Variants in CENPT observed in about 807,000 individuals in gnomAD.
CENPT encodes centromere protein T.
A neutral mutation model predicts 59.7 loss-of-function variants in CENPT; 42 were observed. That is an observed-to-expected ratio of 0.70 (90% CI 0.55 to 0.91). CENPT has a LOEUF of 0.91. Ranked by LOEUF, CENPT falls within the 40% of genes least tolerant of loss-of-function variation. The pLI is 0.00. For synonymous variants in CENPT, 295 were observed against 289.6 expected (o/e 1.02, Z -0.19); for missense variants, 716 against 713.4 (o/e 1.00, Z -0.04).
At position 67,830,520 on chromosome 16, in the gene CENPT, G is replaced by C. The variant is rs747232781; in HGVS notation, c.732C>G (p.Phe244Leu). The C allele has an allele frequency of 6.2e-7, 1 of 1,614,140 alleles. No individual in the cohort carries two copies. Residue 244 changes from phenylalanine (F) to leucine (L), a missense_variant, in exon 11 of 16, where the codon TTC becomes TTG. By Grantham distance (22) the Phe-to-Leu change is conservative. Coordinates refer to ENST00000562787, the MANE Select transcript of CENPT (RefSeq NM_025082.4). Reference sequence around the variant, plus strand: ...TGGGGGAGCCAACCATGGGCTGAGAGAACGGCTGGGTGTCCTCCAACACAA... The same window carrying C: ...TGGGGGAGCCAACCATGGGCTGAGACAACGGCTGGGTGTCCTCCAACACAA... Reference protein sequence around the residue: ...PNIVLEDTQPFSQPMVGSPNV... With the variant: ...PNIVLEDTQPLSQPMVGSPNV...
At chr16:67,846,550 G>A (rs550320933) in intron 1 of CENPT, among the ~76,000 whole-genome samples, 6 of 152,264 alleles carry the variant, frequency 3.9e-5, no homozygotes, top group African/African-American at 1.4e-4. Context: ...GGGGCCCAGG[G>A]AGGGGCAGCT....
intron 1 of CENPT, among the ~76,000 whole-genome samples, chr16:67,837,940 A>C (rs965419677): frequency 6.6e-6 from 1 of 152,206 alleles, no homozygotes; most frequent in African/African-American, 2.4e-5. Context: ...GAATTTAAGC[A>C]GAGGTATGAC....
Position 67,829,450 on chromosome 16 carries a change from T to C in CENPT, c.1253A>G (p.Glu418Gly), listed in dbSNP as rs2057657435. 1.3e-6 allele frequency: 2 copies of C among 1,581,916 alleles called. No homozygotes were observed. The highest frequency in any genetic ancestry group is 4.2e-5 in the Admixed American group (2 of 47,950). ...TGCAGCACCAGGCGCTGGGGCTGGC[T>C]CAAGAAACTGATGATGTCGCCTGGC... ...LQARRHHQFL[E>G]PAPAPGAAVL... is the part of the protein sequence containing the mutation. The change falls in exon 13 of 16, where the codon GAG becomes GGG. Residue 418 changes from glutamate to glycine, a missense_variant. Transcript: ENST00000562787.
chr16:67,841,010 C>CATATATATATATATATATATATATAT (rs66882634), intron 1 of CENPT, among the ~76,000 whole-genome samples: 4 of 109,384 alleles, frequency 3.7e-5, no homozygotes, highest in African/African-American at 7.1e-5. Context: ...ATACAAAATA[C>CATATATATATATATATATATATATAT]ATATATATAT....
rs1013305201 is a variant in CENPT, at chr16:67,842,834, C to T, written c.-492+4567G>A. The T allele has an allele frequency of 3.1e-6, 5 of 1,609,250 alleles. No individual in the cohort carries two copies. Among genetic ancestry groups the T allele is most frequent in the East Asian group, 2.2e-5 (1 of 44,824 alleles). ...CAATGAGCGCAAAGTAGCGCGCAGACCCGCTGGGGCCGCGGCCGCCCGCCG... is the reference window on the plus strand; with the variant it reads ...CAATGAGCGCAAAGTAGCGCGCAGATCCGCTGGGGCCGCGGCCGCCCGCCG... On this transcript the variant is annotated intron_variant, in intron 1 of 15. Coordinates refer to ENST00000562787, the MANE Select transcript of CENPT (RefSeq NM_025082.4). The surrounding 1 kb of genome is among the most constrained non-coding windows in gnomAD (Gnocchi z 4.9).
rs2057718727 is a variant in CENPT, at chr16:67,833,923, A to C, written c.-64T>G. 1 of 1,089,504 alleles carries C rather than the reference A, an allele frequency of 9.2e-7. No individual in the cohort carries two copies. Among genetic ancestry groups the C allele is most frequent in the South Asian group, 1.8e-5 (1 of 56,352 alleles). The allele number at this position is 1,089,504 out of a possible 1,614,324, so 67.5% of individuals were successfully genotyped here. A position where few individuals can be genotyped will look rare whatever the true frequency, so the allele number is the denominator to read the frequency against. ...GCAGGCTCCGCCTTCCCGCCGCCAC[A>C]GTTAATGTAACTCTCGCGATGCTCC... On this transcript the variant is annotated 5_prime_UTR_variant, in exon 4 of 16. Coordinates refer to ENST00000562787, the MANE Select transcript of CENPT (RefSeq NM_025082.4).
chr16:67,839,231 C>G (rs1003842573), intron 1 of CENPT, among the ~76,000 whole-genome samples: 1 of 151,546 alleles, frequency 6.6e-6, no homozygotes, highest in Non-Finnish European at 1.5e-5. Context: ...TACAAAAATA[C>G]AAAAATTAGC....
intron 1 of CENPT, among the ~76,000 whole-genome samples, chr16:67,839,331 C>A (rs962258182): frequency 6.7e-6 from 1 of 149,018 alleles, no homozygotes; most frequent in African/African-American, 2.5e-5. Flanking sequence ...TTGCAGTGAG[C>A]CTAGATCGTG....
intron 1 of CENPT, among the ~76,000 whole-genome samples, chr16:67,837,213 C>T (rs1031962860): frequency 2.6e-5 from 4 of 151,506 alleles, no homozygotes; most frequent in South Asian, 2.1e-4. Context: ...CGCTCTGTCA[C>T]CCGCGCTGGA....
intron 3 of CENPT, 145 bp from the exon 4 acceptor site, chr16:67,834,245 C>T (rs1017920958): frequency 3.4e-5 from 6 of 178,562 alleles, no homozygotes. Flanking sequence ...ATTCCCATCT[C>T]CCTCTCCGAA....
chr16:67,846,816 C>T (rs558697535), intron 1 of CENPT: 7 of 152,420 alleles, frequency 4.6e-5, no homozygotes, highest in Admixed American at 4.6e-4. Flanking sequence ...CATAGCACGC[C>T]GGGAATTGTA....
rs1457737904 is a variant in CENPT at position 67,828,185 on chromosome 16, G to C, written c.*82C>G. 6 of 1,475,672 alleles carry C rather than the reference G, an allele frequency of 4.1e-6. No individual in the cohort carries two copies. The highest frequency in any genetic ancestry group is 5.5e-6 in the Non-Finnish European group (6 of 1,095,886). The allele number at this position is 1,475,672 out of a possible 1,614,324, so 91.4% of individuals were successfully genotyped here. Reference sequence around the variant, plus strand: ...TGTTTATGACACTTTATTGATGCTGGGGGGGTGGGGAGGAGACCTGGAGAA... The same window carrying C: ...TGTTTATGACACTTTATTGATGCTGCGGGGGTGGGGAGGAGACCTGGAGAA... On this transcript the variant is annotated 3_prime_UTR_variant, in exon 16 of 16. Coordinates refer to ENST00000562787, the MANE Select transcript of CENPT (RefSeq NM_025082.4).
At position 67,843,031 on chromosome 16, in the gene CENPT, C is replaced by T. The variant is rs781483366; in HGVS notation, c.-492+4370G>A. The stretch of plus-strand genomic sequence containing the variant: ...CTGCTTCCGCGGCCGTGCTTCTCAC[C>T]CTTCAGGCCACTGTAGACAGCAGTC... On this transcript the variant is annotated intron_variant, in intron 1 of 15. Transcript: ENST00000562787. This position sits in a 1 kb window ranked among gnomAD's most constrained non-coding sequence, Gnocchi z 5.7. 2.0e-4 allele frequency: 315 copies of T among 1,612,470 alleles called. 1 individual carries two copies. Among genetic ancestry groups the T allele is most frequent in the Non-Finnish European group, 1.8e-4 (207 of 1,180,038 alleles).
Position 67,831,222 on chromosome 16 carries a change from G to A in CENPT, c.697C>T (p.Pro233Ser), listed in dbSNP as rs866348769. The A allele has an allele frequency of 1.2e-6, 2 of 1,614,012 alleles. No homozygotes were observed. Among genetic ancestry groups the A allele is most frequent in the Non-Finnish European group, 1.7e-6 (2 of 1,180,006 alleles). The change falls in exon 10 of 16, where the codon CCT (proline) becomes TCT (serine). Residue 233 changes from proline (P) to serine (S), a missense_variant. Physicochemically the swap from Pro to Ser is moderately conservative, Grantham distance 74. Transcript: ENST00000562787. ...LRDLRDTSLA[P>S]PNIVLEDTQP... Reference sequence around the variant, plus strand: ...GGGGAAAACCCAACCTTACTTGGAGGAGCCAGGGAAGTATCTCGCAGATCC... The same window carrying A: ...GGGGAAAACCCAACCTTACTTGGAGAAGCCAGGGAAGTATCTCGCAGATCC...
chr16:67,828,954 G>T, intron 13 of CENPT, 111 bp from the exon 14 acceptor site: 2 of 1,163,524 alleles, frequency 1.7e-6, no homozygotes. Flanking sequence ...CCCTTGGCCA[G>T]CCAGGACCAG....
intron 1 of CENPT, among the ~76,000 whole-genome samples, chr16:67,836,349 T>C (rs530409911): frequency 7.3e-4 from 111 of 152,004 alleles, no homozygotes; most frequent in African/African-American, 2.6e-3. Flanking sequence ...CGTGAGCCAC[T>C]ACACCCGGCC....
Position 67,831,770 on chromosome 16 carries a change from C to T in CENPT, c.507G>A (p.Gly169=). The part of the protein sequence containing the change: ...LSVFQQGVDQ[G]LSLSQEPQGN... ...GGGCCTCACCTTGGGAGAGAGACAGCCCCTGGTCCACTCCCTGCTGAAACA... is the reference window on the plus strand; with the variant it reads ...GGGCCTCACCTTGGGAGAGAGACAGTCCCTGGTCCACTCCCTGCTGAAACA... The change falls in exon 8 of 16, where the codon GGG becomes GGA. Residue 169 remains glycine, a synonymous_variant. Coordinates refer to ENST00000562787, the MANE Select transcript of CENPT (RefSeq NM_025082.4). The T allele has an allele frequency of 3.2e-6, 5 of 1,581,382 alleles. No homozygotes were observed. The highest frequency in any genetic ancestry group is 4.3e-6 in the Non-Finnish European group (5 of 1,164,788).
intron 1 of CENPT, chr16:67,841,565 T>G (rs1192731924): frequency 6.6e-6 from 1 of 152,164 alleles, no homozygotes; most frequent in Non-Finnish European, 1.5e-5. Context: ...TTGGAGCGAT[T>G]ACTATTTGTG....
chr16:67,838,967 T>A (rs2151288072), intron 1 of CENPT, among the ~76,000 whole-genome samples: 1 of 151,452 alleles, frequency 6.6e-6, no homozygotes, highest in Non-Finnish European at 1.5e-5. Flanking sequence ...GCATGTAATA[T>A]TGGCCGGGTG....
Sources: gnomAD v4.1 joint callset for allele counts (sites outside exome capture counted in the v4.1 genomes callset) on GRCh38, gnomAD v4.1.1 for gene constraint, Gnocchi (gnomAD v3.1) non-coding constraint, MANE v1.5 for transcripts, NCBI Gene and HGNC (gene_info 2026-07-23, HGNC 2026-07-21) for gene names.